The following CERS2 variants were observed in gnomAD, a reference collection of about 807,000 sequenced individuals.
CERS2 encodes the protein ceramide synthase 2.
A neutral mutation model predicts 56.6 loss-of-function variants in CERS2; 20 were observed. That is an observed-to-expected ratio of 0.35 (90% CI 0.25 to 0.51). CERS2 has a LOEUF of 0.51. CERS2 is among the 20% of genes least tolerant of loss of function. The probability of loss-of-function intolerance (pLI) is 0.96; values close to 1 mark genes in which losing one functional copy is unlikely to be tolerated. For synonymous variants in CERS2, 187 were observed against 175.4 expected (o/e 1.07, Z -0.52); for missense variants, 361 against 488.6 (o/e 0.74, Z 2.46).
rs1169072312 is a variant in CERS2, at chr1:150,965,537, A to G, written c.*611T>C. On this transcript the variant is annotated 3_prime_UTR_variant, in exon 11 of 11. Transcript: ENST00000368954. ...ACCTGTCGCTACAGGGACAGCTGAAAGAAGTAGCACTAAGAAAGATCATCC... is the reference window on the plus strand; with the variant it reads ...ACCTGTCGCTACAGGGACAGCTGAAGGAAGTAGCACTAAGAAAGATCATCC... The G allele has an allele frequency of 6.5e-6, 1 of 152,716 alleles. No individual in the cohort carries two copies. Among genetic ancestry groups the G allele is most frequent in the Non-Finnish European group, 1.5e-5 (1 of 68,090 alleles). The allele number at this position is 152,716 out of a possible 1,614,324, so 9.5% of individuals were successfully genotyped here. A position where few individuals can be genotyped will look rare whatever the true frequency, so the allele number is the denominator to read the frequency against.
intron 1 of CERS2, among the ~76,000 whole-genome samples, chr1:150,970,968 C>A (rs927547009): frequency 1.3e-5 from 2 of 152,126 alleles, no homozygotes; most frequent in Non-Finnish European, 2.9e-5. Context: ...CACTTGGATA[C>A]CCAGAGGAGG....
Position 150,966,281 on chromosome 1 carries a change from T to A in CERS2, c.1010A>T (p.Glu337Val), listed in dbSNP as rs1456115279. The A allele has an allele frequency of 1.2e-6, 2 of 1,612,252 alleles. No individual in the cohort carries two copies. Among genetic ancestry groups the A allele is most frequent in the African/African-American group, 2.7e-5 (2 of 74,746 alleles). Residue 337 changes from glutamate to valine, a missense_variant, in exon 11 of 11, where the codon GAA becomes GTA. Coordinates refer to ENST00000368954, the MANE Select transcript of CERS2 (RefSeq NM_022075.5). ...AHKFITGKLV[E>V]DERSDREETE... ...TTCTTCCCGGTCACTGCGTTCATCT[T>A]CTACCAGCTGTGGAAAAGGGACAAG... is the stretch of plus-strand genomic sequence containing the variant.
chr1:150,968,227 TTA>T (rs1167720464), intron 3 of CERS2, 26 bp from the exon 4 acceptor site: 46 of 1,602,994 alleles, frequency 2.9e-5, no homozygotes, highest in Non-Finnish European at 3.9e-5. Context: ...AAGCCCATTG[TTA>T]TGTTTACCTT....
At chr1:150,969,161 T>C in intron 1 of CERS2, 70 bp from the exon 2 acceptor site, 1 of 1,388,880 alleles carries the variant, frequency 7.2e-7, no homozygotes, top group South Asian at 1.2e-5. Context: ...TGAATAAAAG[T>C]TTTCAGGATG....
At chr1:150,971,361 C>A (rs1019990176) in intron 1 of CERS2, among the ~76,000 whole-genome samples, 1 of 152,166 alleles carries the variant, frequency 6.6e-6, no homozygotes, top group African/African-American at 2.4e-5. Context: ...CCGCTCCACC[C>A]CCACCCACCA....
intron 1 of CERS2, chr1:150,973,949 C>T (rs1368069614): frequency 1.3e-5 from 2 of 152,736 alleles, no homozygotes; most frequent in East Asian, 3.8e-4. Flanking sequence ...AAGCTACGGC[C>T]CAGAAAGCCA....
intron 1 of CERS2, among the ~76,000 whole-genome samples, chr1:150,971,674 A>C (rs961351672): frequency 2.6e-4 from 40 of 152,286 alleles, no homozygotes; most frequent in Admixed American, 1.9e-3. Flanking sequence ...TCCCCACACA[A>C]ACACACACTT....
At position 150,967,064 on chromosome 1, in the gene CERS2, G is replaced by A. The variant is rs763958751; in HGVS notation, c.741+10C>T. Reference sequence around the variant, plus strand: ...CTGCACCAGGGTCTCTAGATTTGAGGAAGCCTGACCTCCAGCAGGTAATCG... The same window carrying A: ...CTGCACCAGGGTCTCTAGATTTGAGAAAGCCTGACCTCCAGCAGGTAATCG... On this transcript the variant is annotated intron_variant, in intron 8 of 10. Coordinates refer to ENST00000368954, the MANE Select transcript of CERS2 (RefSeq NM_022075.5). 7 of 1,613,962 alleles carry A rather than the reference G, an allele frequency of 4.3e-6. No individual in the cohort carries two copies. The South Asian group carries it at 7.7e-5, about 18-fold the overall frequency.
intron 1 of CERS2, 137 bp from the exon 2 acceptor site, chr1:150,969,228 AGCCTT>A: frequency 4.3e-6 from 3 of 697,196 alleles, no homozygotes; most frequent in Non-Finnish European, 7.1e-6. Flanking sequence ...CTGGCTATGT[AGCCTT>A]GGGCAAATCA....
rs201729323 is a variant in CERS2 at position 150,967,212 on chromosome 1, T to C, written c.613-10A>G. ...TCTGTTCCTTGAAATCCTGCAGAGATGATGCAGGCCCCAGGGCCTTTTTTT... is the reference window on the plus strand; with the variant it reads ...TCTGTTCCTTGAAATCCTGCAGAGACGATGCAGGCCCCAGGGCCTTTTTTT... On this transcript the variant is annotated splice_polypyrimidine_tract_variant and intron_variant, in intron 7 of 10. Coordinates refer to ENST00000368954, the MANE Select transcript of CERS2 (RefSeq NM_022075.5). 1 of 1,613,064 alleles carries C rather than the reference T, an allele frequency of 6.2e-7. No homozygotes were observed. Among genetic ancestry groups the C allele is most frequent in the African/African-American group, 1.3e-5 (1 of 74,860 alleles).
In CERS2 at chr1:150,967,985, C is replaced by T. The variant is rs587676977; in HGVS notation, c.410+98G>A. 5.1e-6 allele frequency: 7 copies of T among 1,366,016 alleles called. No individual in the cohort carries two copies. In the East Asian group the frequency reaches 1.1e-4, roughly 22 times the overall value. 84.6% of individuals were successfully genotyped at this position (1,366,016 alleles called of 1,614,324 possible). ...AGATACCATTAATAACTGAATTCACCTCCTCACATCTCCCTGCGTATAGCC... is the reference window on the plus strand; with the variant it reads ...AGATACCATTAATAACTGAATTCACTTCCTCACATCTCCCTGCGTATAGCC... On this transcript the variant is annotated intron_variant, in intron 4 of 10. Transcript: ENST00000368954.
rs587640891 is a variant in CERS2, at chr1:150,969,614, C to T, written c.-1-523G>A. ...TTTATTGTCTACAGCAACCTGCAGACGTGATTCCCTGGAATTAAGAAACTT... is the reference window on the plus strand; with the variant it reads ...TTTATTGTCTACAGCAACCTGCAGATGTGATTCCCTGGAATTAAGAAACTT... On this transcript the variant is annotated intron_variant, in intron 1 of 10. Coordinates refer to ENST00000368954, the MANE Select transcript of CERS2 (RefSeq NM_022075.5). Among the ~76,000 whole-genome samples, 10 of 151,218 alleles carry T rather than the reference C, an allele frequency of 6.6e-5. No individual in the cohort carries two copies. The East Asian group carries it at 7.8e-4, about 12-fold the overall frequency.
intron 1 of CERS2, among the ~76,000 whole-genome samples, chr1:150,970,469 A>C (rs757955486): frequency 4.6e-5 from 7 of 152,028 alleles, no homozygotes; most frequent in Admixed American, 3.9e-4. Flanking sequence ...GCGGACCAAT[A>C]CATCTGATGG....
rs587619436 is a variant in CERS2 at position 150,967,933 on chromosome 1, C to G, written c.411-56G>C. 2.1e-6 allele frequency: 3 copies of G among 1,458,350 alleles called. No individual in the cohort carries two copies. In the South Asian group the frequency reaches 3.4e-5, roughly 17 times the overall value. The allele number at this position is 1,458,350 out of a possible 1,614,324, so 90.3% of individuals were successfully genotyped here. Reference sequence around the variant, plus strand: ...GAGGATAGCACAGTCCCCCAGCAGCCCCCAAATACCTGCAGATACCCTCAC... The same window carrying G: ...GAGGATAGCACAGTCCCCCAGCAGCGCCCAAATACCTGCAGATACCCTCAC... On this transcript the variant is annotated intron_variant, in intron 4 of 10. Coordinates refer to ENST00000368954, the MANE Select transcript of CERS2 (RefSeq NM_022075.5).
chr1:150,966,308 A>T lies in CERS2; in HGVS notation c.1003-20T>A. 1 of 1,611,398 alleles carries T rather than the reference A, an allele frequency of 6.2e-7. No homozygotes were observed. The highest frequency in any genetic ancestry group is 8.5e-7 in the Non-Finnish European group (1 of 1,179,104). Reference sequence around the variant, plus strand: ...TACCAGCTGTGGAAAAGGGACAAGAAGGGTTATTACATGAGATCCTCAAAC... The same window carrying T: ...TACCAGCTGTGGAAAAGGGACAAGATGGGTTATTACATGAGATCCTCAAAC... On this transcript the variant is annotated intron_variant, in intron 10 of 10. Transcript: ENST00000368954.
chr1:150,974,385 C>G (rs1328712213), intron 1 of CERS2: 1 of 149,768 alleles, frequency 6.7e-6, no homozygotes, highest in Non-Finnish European at 1.5e-5. Context: ...CCAGGCCCGC[C>G]GGCCCCGGCC....
intron 3 of CERS2, 50 bp downstream of exon 3, chr1:150,968,345 C>G (rs769922329): frequency 1.3e-6 from 2 of 1,533,314 alleles, no homozygotes; most frequent in East Asian, 2.3e-5. Flanking sequence ...CCTGTCCCCC[C>G]ACCACCAAAC....
chr1:150,973,478 G>A (rs1026658725), intron 1 of CERS2, among the ~76,000 whole-genome samples: 12 of 152,260 alleles, frequency 7.9e-5, no homozygotes, highest in African/African-American at 2.7e-4. Context: ...TCTGGCCAGA[G>A]GCCCCAGTGA....
chr1:150,968,149 T>G lies in CERS2; in HGVS notation c.344A>C (p.Glu115Ala), dbSNP rs267738. 0.19 allele frequency: 301,529 copies of G among 1,609,316 alleles called. 31,143 individuals are homozygous for G. Among genetic ancestry groups the G allele is most frequent in the Non-Finnish European group, 0.22 (254,051 of 1,179,892 alleles). ...RQSGLSGRQV[E>A]RWFRRRRNQD... ...GTTGCGGCGGCGACGGAACCAACGC[T>G]CTACCTGGCGGCCAGAGAGCCCGCT... Residue 115 changes from glutamate to alanine, a missense_variant, in exon 4 of 11, where the codon GAG becomes GCG. By Grantham distance (107) the Glu-to-Ala change is moderately radical. Transcript: ENST00000368954.
Sources: gnomAD v4.1 joint callset for allele counts (sites outside exome capture counted in the v4.1 genomes callset) on GRCh38, gnomAD v4.1.1 for gene constraint, MANE v1.5 for transcripts, NCBI Gene and HGNC (gene_info 2026-07-23, HGNC 2026-07-21) for gene names.